The following PKIB variants were observed in gnomAD, a reference collection of about 807,000 sequenced individuals.
PKIB encodes PKI-beta.
In PKIB, 2 loss-of-function variants were observed where a neutral mutation model predicts 4.5. That is an observed-to-expected ratio of 0.44 (90% CI 0.18 to 1.39). PKIB has a LOEUF of 1.39. PKIB is among the 40% of genes most tolerant of loss of function. The probability of loss-of-function intolerance (pLI) is 0.27; values close to 1 mark genes in which losing one functional copy is unlikely to be tolerated. For missense variants in PKIB, 94 were observed against 92.6 expected (o/e 1.02, Z -0.06); for synonymous variants, 38 against 36.0 (o/e 1.06, Z -0.20).
intron 2 of PKIB, among the ~76,000 whole-genome samples, chr6:122,653,091 G>A (rs1776628396): frequency 6.6e-6 from 1 of 152,178 alleles, no homozygotes; most frequent in Non-Finnish European, 1.5e-5. Flanking sequence ...GTTTGGTTTT[G>A]TTTGGCTAGT....
intron 2 of PKIB, among the ~76,000 whole-genome samples, chr6:122,502,806 GT>G (rs762663865): frequency 5.9e-5 from 9 of 151,794 alleles, no homozygotes; most frequent in African/African-American, 1.5e-4. Flanking sequence ...TGTAGATCCT[GT>G]TTTTTTTCTT....
At chr6:122,572,461 G>A (rs546179575) in intron 2 of PKIB, among the ~76,000 whole-genome samples, 10 of 151,996 alleles carry the variant, frequency 6.6e-5, no homozygotes, top group African/African-American at 1.9e-4. Flanking sequence ...CAAAACCTCC[G>A]GGATACAGCA....
intron 2 of PKIB, among the ~76,000 whole-genome samples, chr6:122,674,168 T>A (rs888601947): frequency 2.0e-5 from 3 of 152,140 alleles, no homozygotes; most frequent in Non-Finnish European, 2.9e-5. Context: ...ATGTACCACG[T>A]GAAGGGATTT....
rs192675900 is a variant in PKIB at position 122,567,842 on chromosome 6, T to C, written c.-247-18079T>C. ...CGAAATTCAGAATTACAATAACCTC[T>C]AGAGAGAAGGAGGTTACTGTAGTTA... On this transcript the variant is annotated intron_variant, in intron 2 of 6. Transcript: ENST00000392491. 2.0e-5 allele frequency among the ~76,000 whole-genome samples: 3 copies of C among 152,200 alleles called. No individual in the cohort carries two copies. The East Asian group carries it at 5.8e-4, about 29-fold the overall frequency.
At chr6:122,494,257 T>C (rs889781157) in intron 2 of PKIB, among the ~76,000 whole-genome samples, 4 of 152,336 alleles carry the variant, frequency 2.6e-5, no homozygotes, top group Middle Eastern at 3.4e-3. Flanking sequence ...AAGAAAAATC[T>C]GCTTGCTAGT....
At chr6:122,658,485 C>A in intron 2 of PKIB, among the ~76,000 whole-genome samples, 1 of 152,022 alleles carries the variant, frequency 6.6e-6, no homozygotes, top group East Asian at 1.9e-4. Context: ...AAATCCAATT[C>A]CTTGATATTT....
At chr6:122,623,661 T>C (rs186856746) in intron 1 of PKIB, among the ~76,000 whole-genome samples, 34 of 152,308 alleles carry the variant, frequency 2.2e-4, no homozygotes, top group Non-Finnish European at 4.6e-4. Context: ...ATTAAAAAAA[T>C]ACTTAAAAAC....
chr6:122,580,573 C>T (rs1021933958), intron 2 of PKIB, among the ~76,000 whole-genome samples: 1 of 152,060 alleles, frequency 6.6e-6, no homozygotes, highest in East Asian at 1.9e-4. Flanking sequence ...AGGGTTTGCC[C>T]CATCTCAGAT....
intron 1 of PKIB, among the ~76,000 whole-genome samples, chr6:122,631,866 TG>T (rs1775717633): frequency 1.3e-5 from 2 of 152,134 alleles, no homozygotes; most frequent in Non-Finnish European, 2.9e-5. Flanking sequence ...TAACTTAGAG[TG>T]GCTAACATAA....
intron 1 of PKIB, among the ~76,000 whole-genome samples, chr6:122,625,053 T>C (rs2815585): frequency 0.99 from 150,283 of 152,326 alleles, 74,158 homozygotes; most frequent in Middle Eastern, 1. Context: ...TCAACTTTAC[T>C]AAACTACTAT....
rs758656278 is a variant in PKIB, at chr6:122,562,004, G to GTTTTTTTTTTTTTTTTT, written c.-247-23902_-247-23901insTTTTTTTTTTTTTTTTT. Among the ~76,000 whole-genome samples, 151 of 79,452 alleles carry GTTTTTTTTTTTTTTTTT rather than the reference G, an allele frequency of 1.9e-3. 6 individuals carry two copies. Among genetic ancestry groups the GTTTTTTTTTTTTTTTTT allele is most frequent in the East Asian group, 5.2e-3 (11 of 2,096 alleles). The allele number at this position is 79,452 out of a possible 152,430, so 52.1% of individuals were successfully genotyped here. ...TTTTTGTTTGTTTTTGTTTTTTTTTGTTTTTTTTTTTTTTTGCTTTTTAAC... is the reference window on the plus strand; with the variant it reads ...TTTTTGTTTGTTTTTGTTTTTTTTTGTTTTTTTTTTTTTTTTTTTTTTTTTTTTTTTTGCTTTTTAAC... On this transcript the variant is annotated intron_variant, in intron 2 of 6. Coordinates refer to the PKIB transcript ENST00000392491.
chr6:122,668,616 T>A (rs1257561652), intron 2 of PKIB, among the ~76,000 whole-genome samples: 1 of 152,184 alleles, frequency 6.6e-6, no homozygotes, highest in Non-Finnish European at 1.5e-5. Flanking sequence ...TCGGTCTGAC[T>A]TCTCCCTAAA....
intron 3 of PKIB, chr6:122,701,395 G>C (rs2115027789): frequency 6.8e-7 from 1 of 1,481,364 alleles, no homozygotes; most frequent in South Asian, 1.2e-5. Context: ...AAGCAGGAAT[G>C]AAGTACTGAC....
chr6:122,577,105 A>C (rs151263659), intron 2 of PKIB, among the ~76,000 whole-genome samples: 26 of 152,278 alleles, frequency 1.7e-4, no homozygotes, highest in Admixed American at 1.7e-3. Context: ...CAATAATTAC[A>C]CTATAACATT....
chr6:122,706,841 A>G (rs1435347093), intron 3 of PKIB, among the ~76,000 whole-genome samples: 1 of 152,168 alleles, frequency 6.6e-6, no homozygotes, highest in African/African-American at 2.4e-5. Flanking sequence ...ATCATTAATA[A>G]TAACATACAC....
At chr6:122,530,270 T>C (rs1222022650) in intron 2 of PKIB, among the ~76,000 whole-genome samples, 1 of 152,112 alleles carries the variant, frequency 6.6e-6, no homozygotes, top group African/African-American at 2.4e-5. Context: ...AGAATTTCTG[T>C]GTTTAAAAAA....
chr6:122,721,077 C>A (rs1002982126), intron 4 of PKIB, among the ~76,000 whole-genome samples: 3 of 152,226 alleles, frequency 2.0e-5, no homozygotes, highest in African/African-American at 7.2e-5. Flanking sequence ...CCATACCTGA[C>A]AAGCCACATG....
At chr6:122,673,509 T>A (rs1777545040) in intron 2 of PKIB, among the ~76,000 whole-genome samples, 1 of 152,228 alleles carries the variant, frequency 6.6e-6, no homozygotes, top group African/African-American at 2.4e-5. Flanking sequence ...TTATTTGGTC[T>A]GGACATATAG....
chr6:122,583,614 G>T (rs1041226600), intron 2 of PKIB, among the ~76,000 whole-genome samples: 19 of 151,898 alleles, frequency 1.3e-4, no homozygotes, highest in African/African-American at 4.4e-4. Context: ...CACTGAATAC[G>T]CACATATACA....
Sources: gnomAD v4.1 joint callset for allele counts (sites outside exome capture counted in the v4.1 genomes callset) on GRCh38, gnomAD v4.1.1 for gene constraint, MANE v1.5 for transcripts, NCBI Gene and HGNC (gene_info 2026-07-23, HGNC 2026-07-21) for gene names.